The following CHODL variants were observed in gnomAD, a reference collection of about 807,000 sequenced individuals.
CHODL encodes the protein transmembrane protein MT75.
Under a neutral mutation model 34.5 loss-of-function variants are expected in CHODL, and 29 were observed. That is an observed-to-expected ratio of 0.84 (90% CI 0.63 to 1.15). CHODL has a LOEUF of 1.15. Ranked by LOEUF, CHODL falls within the 50% of genes most tolerant of loss-of-function variation. CHODL has a pLI of 0.00. For synonymous variants in CHODL, 125 were observed against 116.1 expected (o/e 1.08, Z -0.49); for missense variants, 332 against 332.5 (o/e 1.00, Z 0.01).
At chr21:18,201,965 C>T (rs1380000787) in intron 2 of CHODL, among the ~76,000 whole-genome samples, 2 of 151,848 alleles carry the variant, frequency 1.3e-5, no homozygotes, top group Admixed American at 6.6e-5. Context: ...CCACCACACT[C>T]GACTAATTTT....
intron 2 of CHODL, among the ~76,000 whole-genome samples, chr21:18,101,785 AT>A (rs1191580537): frequency 6.6e-6 from 1 of 151,276 alleles, no homozygotes; most frequent in Non-Finnish European, 1.5e-5. Flanking sequence ...GGTAAAGAGC[AT>A]TAATGAAATT....
intron 2 of CHODL, among the ~76,000 whole-genome samples, chr21:18,167,270 G>A (rs2146652810): frequency 1.4e-5 from 2 of 147,550 alleles, no homozygotes; most frequent in South Asian, 4.4e-4. Flanking sequence ...TTGGAAGAAG[G>A]GGCAGGAAAG....
intron 2 of CHODL, among the ~76,000 whole-genome samples, chr21:18,213,888 A>T (rs1368263298): frequency 6.6e-6 from 1 of 152,076 alleles, no homozygotes; most frequent in Non-Finnish European, 1.5e-5. Flanking sequence ...TATCCCCACC[A>T]GTTTTTTCCA....
chr21:17,959,604 C>G (rs2063517409), intron 1 of CHODL, among the ~76,000 whole-genome samples: 1 of 152,106 alleles, frequency 6.6e-6, no homozygotes, highest in Admixed American at 6.6e-5. Flanking sequence ...ACATTTATTA[C>G]AAGTAAGAAA....
At chr21:18,133,998 ATCTC>A (rs1281691898) in intron 2 of CHODL, among the ~76,000 whole-genome samples, 1 of 152,102 alleles carries the variant, frequency 6.6e-6, no homozygotes, top group East Asian at 1.9e-4. Flanking sequence ...TTACCTATCT[ATCTC>A]TCTATCATCT....
intron 1 of CHODL, among the ~76,000 whole-genome samples, chr21:17,924,716 T>TA (rs961092820): frequency 7.9e-5 from 12 of 152,326 alleles, no homozygotes; most frequent in African/African-American, 2.9e-4. Flanking sequence ...GAACATAACA[T>TA]AAAAATCAAT....
At chr21:18,209,871 A>G (rs544430550) in intron 2 of CHODL, among the ~76,000 whole-genome samples, 5 of 152,200 alleles carry the variant, frequency 3.3e-5, no homozygotes, top group African/African-American at 4.8e-5. Flanking sequence ...CTGGTGCCCT[A>G]TTCTACTGTG....
intron 1 of CHODL, among the ~76,000 whole-genome samples, chr21:18,025,586 AATTT>A (rs979779268): frequency 4.9e-4 from 75 of 152,244 alleles, no homozygotes; most frequent in African/African-American, 1.7e-3. Context: ...GATATGACAT[AATTT>A]ATTTTTTTAT....
At chr21:17,928,461 T>G (rs556755368) in intron 1 of CHODL, among the ~76,000 whole-genome samples, 1 of 152,034 alleles carries the variant, frequency 6.6e-6, no homozygotes, top group East Asian at 1.9e-4. Context: ...ACAGGTAGAG[T>G]TTGGATACAG....
intron 2 of CHODL, among the ~76,000 whole-genome samples, chr21:18,130,611 A>G (rs1443440330): frequency 2.0e-5 from 3 of 152,218 alleles, no homozygotes; most frequent in East Asian, 3.8e-4. Flanking sequence ...ATGAGTAGTC[A>G]TAATAAATTG....
intron 2 of CHODL, among the ~76,000 whole-genome samples, chr21:18,216,571 T>C (rs2073830498): frequency 6.6e-6 from 1 of 152,204 alleles, no homozygotes; most frequent in African/African-American, 2.4e-5. Context: ...ATTCACATAA[T>C]GTCCTCCAAG....
At chr21:18,001,362 G>T (rs1318945444) in intron 1 of CHODL, among the ~76,000 whole-genome samples, 1 of 152,238 alleles carries the variant, frequency 6.6e-6, no homozygotes, top group African/African-American at 2.4e-5. Context: ...TGGTCTTATT[G>T]GTCTTGCTGC....
At chr21:18,161,296 G>T (rs1443116187) in intron 2 of CHODL, among the ~76,000 whole-genome samples, 1 of 152,126 alleles carries the variant, frequency 6.6e-6, no homozygotes, top group Non-Finnish European at 1.5e-5. Context: ...CTTGAACGAA[G>T]AATCTTTTCC....
chr21:17,990,682 A>G lies in CHODL; in HGVS notation c.-144-37190A>G, dbSNP rs143915482. ...TTTTTTCCATGTGTAAAATATTTTTATGTTTTATTAATACAAAATAATTGT... is the reference window on the plus strand; with the variant it reads ...TTTTTTCCATGTGTAAAATATTTTTGTGTTTTATTAATACAAAATAATTGT... On this transcript the variant is annotated intron_variant, in intron 1 of 6. Transcript: ENST00000400127. Among the ~76,000 whole-genome samples, 835 of 152,156 alleles carry G rather than the reference A, an allele frequency of 5.5e-3. 6 individuals carry two copies. The highest frequency in any genetic ancestry group is 0.013 in the African/African-American group (554 of 41,578).
intron 2 of CHODL, among the ~76,000 whole-genome samples, chr21:18,224,786 G>A (rs1363627095): frequency 6.6e-6 from 1 of 151,950 alleles, no homozygotes; most frequent in East Asian, 1.9e-4. Flanking sequence ...AGAGAATGAA[G>A]TATTAGAGTT....
chr21:18,045,733 T>C (rs762514192), intron 2 of CHODL, among the ~76,000 whole-genome samples: 2 of 151,954 alleles, frequency 1.3e-5, no homozygotes, highest in South Asian at 2.1e-4. Flanking sequence ...TGGGAGGTAA[T>C]TAGGTCAAGA....
intron 1 of CHODL, among the ~76,000 whole-genome samples, chr21:17,954,757 A>C (rs978332484): frequency 1.5e-5 from 2 of 133,434 alleles, no homozygotes; most frequent in Non-Finnish European, 3.4e-5. Flanking sequence ...TGCAAGACAC[A>C]TGTTACAGCT....
At chr21:18,161,269 G>T (rs767285564) in intron 2 of CHODL, among the ~76,000 whole-genome samples, 4 of 152,102 alleles carry the variant, frequency 2.6e-5, no homozygotes, top group Non-Finnish European at 5.9e-5. Flanking sequence ...TTTGTAAAAC[G>T]TGAACACTAT....
chr21:18,069,521 TTA>T (rs1019422133), intron 2 of CHODL, among the ~76,000 whole-genome samples: 5 of 141,622 alleles, frequency 3.5e-5, no homozygotes, highest in African/African-American at 5.0e-5. Context: ...TATAAGGGGA[TTA>T]TATATATATA....
Sources: allele counts gnomAD v4.1 joint callset (sites outside exome capture counted in the v4.1 genomes callset), GRCh38; gene constraint gnomAD v4.1.1; transcripts MANE v1.5; gene names NCBI Gene and HGNC (gene_info 2026-07-23, HGNC 2026-07-21).